Variants in CRACD observed in about 807,000 individuals in gnomAD.
CRACD encodes the protein capping protein inhibiting regulator of actin dynamics, also known as capping protein-inhibiting regulator of actin dynamics.
A neutral mutation model predicts 106.8 loss-of-function variants in CRACD; 56 were observed. The observed-to-expected ratio is 0.52, with a 90% CI of 0.42 to 0.66. The LOEUF (loss-of-function observed/expected upper bound fraction) is 0.66, where lower values mean the gene tolerates loss of function less well. Among genes scored for constraint, CRACD ranks in the 30% least tolerant of loss-of-function variants. CRACD has a pLI of 0.00. For missense variants in CRACD, 1,730 were observed against 1,623.2 expected, an observed-to-expected ratio of 1.07 and a Z score of -1.13; for synonymous variants, 754 against 670.8, an observed-to-expected ratio of 1.12 and a Z score of -1.92.
At chr4:56,122,441 T>C (rs984166638) in intron 1 of CRACD, among the ~76,000 whole-genome samples, 1 of 152,188 alleles carries the variant, frequency 6.6e-6, no homozygotes, top group African/African-American at 2.4e-5. Context: ...TATATCCCCT[T>C]ACTGCCTGTA....
rs556477034 is a variant in CRACD, at chr4:56,086,614, T to G, written c.-336+37315T>G. Among the ~76,000 whole-genome samples, 69 of 152,186 alleles carry G rather than the reference T, an allele frequency of 4.5e-4. 1 individual carries two copies. The East Asian group carries it at 8.7e-3, about 19-fold the overall frequency. On this transcript the variant is annotated intron_variant, in intron 1 of 10. Transcript: ENST00000682029. The stretch of plus-strand genomic sequence containing the variant: ...TCTTCCCTCATCTAATCCATGCAAA[T>G]CCAGTGCCCCATTCTATTTGGATCC...
At chr4:56,099,719 A>G (rs1263830900) in intron 1 of CRACD, among the ~76,000 whole-genome samples, 1 of 152,214 alleles carries the variant, frequency 6.6e-6, no homozygotes, top group Non-Finnish European at 1.5e-5. Context: ...AGTGAGCACC[A>G]TGCTGGAAGT....
chr4:56,315,975 G>A lies in CRACD; in HGVS notation c.2473G>A (p.Ala825Thr), dbSNP rs1403169865. 6.2e-7 allele frequency: 1 copy of A among 1,614,100 alleles called. No individual in the cohort carries two copies. The highest frequency in any genetic ancestry group is 1.3e-5 in the African/African-American group (1 of 74,940). Residue 825 changes from alanine (A) to threonine (T), a missense_variant, in exon 8 of 11, where the codon GCA (alanine) becomes ACA (threonine). Ala to Thr is a moderately conservative substitution (Grantham distance 58, BLOSUM62 0). Transcript: ENST00000682029. This position sits in a 1 kb window ranked among gnomAD's most constrained non-coding sequence, Gnocchi z 4.1. ...CACGACCTCGTCGGACAGCGAGACT[G>A]CAAACGGGATAGCAAAGCCAGACCC... ...EFTTSSDSET[A>T]NGIAKPDPVM...
chr4:56,083,858 T>A (rs913331417), intron 1 of CRACD, among the ~76,000 whole-genome samples: 1 of 152,032 alleles, frequency 6.6e-6, no homozygotes, highest in African/African-American at 2.4e-5. Flanking sequence ...ACATCTGTAG[T>A]CCCAGCTACT....
intron 2 of CRACD, among the ~76,000 whole-genome samples, chr4:56,264,519 C>T (rs1741889690): frequency 1.3e-5 from 2 of 152,174 alleles, no homozygotes; most frequent in African/African-American, 4.8e-5. Flanking sequence ...AGGGGCTGGT[C>T]CCCATGTTCT....
intron 1 of CRACD, among the ~76,000 whole-genome samples, chr4:56,176,239 T>C (rs1485559716): frequency 1.3e-5 from 2 of 152,214 alleles, no homozygotes; most frequent in East Asian, 3.8e-4. Flanking sequence ...TTCCTTTTGC[T>C]TAGTTTTCTT....
At chr4:56,244,211 T>C (rs552009742) in intron 2 of CRACD, among the ~76,000 whole-genome samples, 1 of 152,144 alleles carries the variant, frequency 6.6e-6, no homozygotes, top group South Asian at 2.1e-4. Context: ...AAAATTTACA[T>C]AATGGAGTTT....
In CRACD at chr4:56,172,293, A is replaced by T. The variant is rs548042245; in HGVS notation, c.-335-6991A>T. On this transcript the variant is annotated intron_variant, in intron 1 of 10. Transcript: ENST00000682029. ...AAAAACTGAAGCCATCTTGATGGGA[A>T]CCTAATTCTGCATGGAGGGAAACAG... Among the ~76,000 whole-genome samples, 4 of 152,296 alleles carry T rather than the reference A, an allele frequency of 2.6e-5. No homozygotes were observed. The East Asian group carries it at 7.7e-4, about 29-fold the overall frequency.
intron 2 of CRACD, among the ~76,000 whole-genome samples, chr4:56,264,089 C>A (rs191919134): frequency 6.6e-6 from 1 of 152,014 alleles, no homozygotes; most frequent in Non-Finnish European, 1.5e-5. Flanking sequence ...CTTCACATGG[C>A]GGCAGGAGAG....
chr4:56,268,370 A>T (rs1397475788), intron 2 of CRACD, among the ~76,000 whole-genome samples: 3 of 152,028 alleles, frequency 2.0e-5, no homozygotes, highest in Non-Finnish European at 4.4e-5. Context: ...GTCATAATTG[A>T]TATTCTTATA....
At chr4:56,297,465 G>A (rs373491591) in intron 3 of CRACD, among the ~76,000 whole-genome samples, 19 of 152,318 alleles carry the variant, frequency 1.2e-4, no homozygotes, top group African/African-American at 4.6e-4. Context: ...GGGAGCAGAT[G>A]TCTGTATTCC....
intron 1 of CRACD, among the ~76,000 whole-genome samples, chr4:56,146,762 A>G (rs983086781): frequency 1.3e-5 from 2 of 152,190 alleles, no homozygotes; most frequent in Non-Finnish European, 2.9e-5. Flanking sequence ...GTGTAATTCA[A>G]TGATTTTTAA....
chr4:56,274,775 T>G (rs565420080), intron 3 of CRACD, among the ~76,000 whole-genome samples: 1 of 152,210 alleles, frequency 6.6e-6, no homozygotes, highest in African/African-American at 2.4e-5. Context: ...TTTAAAAAAT[T>G]AGTGGGTATA....
At chr4:56,056,011 G>A (rs991560933) in intron 1 of CRACD, among the ~76,000 whole-genome samples, 1 of 152,136 alleles carries the variant, frequency 6.6e-6, no homozygotes. Flanking sequence ...AAGATAACAT[G>A]GTTATCAAAT....
At chr4:56,298,434 G>C in intron 4 of CRACD, 85 bp downstream of exon 4, 7 of 1,532,462 alleles carry the variant, frequency 4.6e-6, no homozygotes, top group Non-Finnish European at 6.2e-6. Context: ...GCTTGGCCTT[G>C]AGTAATGGAT....
chr4:56,262,065 T>C (rs1229432716), intron 2 of CRACD, among the ~76,000 whole-genome samples: 2 of 152,174 alleles, frequency 1.3e-5, no homozygotes, highest in African/African-American at 4.8e-5. Context: ...ATGAAAAATG[T>C]AGCTCAGTTT....
chr4:56,160,419 A>G (rs1735912264), intron 1 of CRACD, among the ~76,000 whole-genome samples: 1 of 151,738 alleles, frequency 6.6e-6, no homozygotes, highest in South Asian at 2.1e-4. Context: ...CCTGAGCTCA[A>G]ACAGTCTGCC....
At chr4:56,181,761 G>A (rs28402331) in intron 2 of CRACD, among the ~76,000 whole-genome samples, 43,930 of 151,936 alleles carry the variant, frequency 0.29, 6,593 homozygotes, top group South Asian at 0.35. Context: ...GTCATCACCT[G>A]TCATTCTCAC....
intron 3 of CRACD, among the ~76,000 whole-genome samples, chr4:56,278,385 G>A (rs1017186629): frequency 6.6e-6 from 1 of 152,178 alleles, no homozygotes; most frequent in African/African-American, 2.4e-5. Context: ...TTCAATAAGA[G>A]TGCTAAGACA....
Sources: allele counts gnomAD v4.1 joint callset (sites outside exome capture counted in the v4.1 genomes callset), GRCh38; gene constraint gnomAD v4.1.1; non-coding constraint Gnocchi (gnomAD v3.1); transcripts MANE v1.5; gene names NCBI Gene and HGNC (gene_info 2026-07-23, HGNC 2026-07-21).